The following STXBP5L variants were observed in gnomAD, a reference collection of about 807,000 sequenced individuals.
STXBP5L encodes the protein syntaxin-binding protein 5-like.
STXBP5L carries 65 observed loss-of-function variants against 144.5 expected under a neutral mutation model. That is an observed-to-expected ratio of 0.45 (90% CI 0.37 to 0.55). The LOEUF (loss-of-function observed/expected upper bound fraction) is 0.55. Ranked by LOEUF, STXBP5L falls within the 20% of genes least tolerant of loss-of-function variation. The pLI is 0.00. For missense variants in STXBP5L, 1,298 were observed against 1,405.5 expected, an observed-to-expected ratio of 0.92 and a Z score of 1.22; for synonymous variants, 505 against 469.6, an observed-to-expected ratio of 1.08 and a Z score of -0.97.
chr3:121,035,959 A>G (rs1053459407), intron 3 of STXBP5L, among the ~76,000 whole-genome samples: 2 of 152,136 alleles, frequency 1.3e-5, no homozygotes, highest in African/African-American at 4.8e-5. Flanking sequence ...ACTTATTCCA[A>G]AGTATTTCTT....
chr3:120,914,636 G>A (rs1004865119), intron 2 of STXBP5L, among the ~76,000 whole-genome samples: 1 of 151,958 alleles, frequency 6.6e-6, no homozygotes, highest in East Asian at 1.9e-4. Context: ...TTACTTAAGC[G>A]GTTTTGCAAC....
At chr3:121,414,494 G>GGA (rs2047188975) in intron 24 of STXBP5L, among the ~76,000 whole-genome samples, 1 of 152,144 alleles carries the variant, frequency 6.6e-6, no homozygotes, top group Non-Finnish European at 1.5e-5. Context: ...CTAACCCACT[G>GGA]GATATATATT....
intron 3 of STXBP5L, among the ~76,000 whole-genome samples, chr3:121,023,740 A>G (rs1336035506): frequency 6.6e-6 from 1 of 152,156 alleles, no homozygotes; most frequent in Non-Finnish European, 1.5e-5. Context: ...AAGATGGATC[A>G]AAGACTTAAA....
chr3:121,038,989 T>A (rs1946955165), intron 3 of STXBP5L, among the ~76,000 whole-genome samples: 1 of 151,950 alleles, frequency 6.6e-6, no homozygotes, highest in South Asian at 2.1e-4. Context: ...TTAACCTATT[T>A]GTATATATTT....
chr3:121,149,607 A>G (rs2045858173), intron 7 of STXBP5L, among the ~76,000 whole-genome samples: 1 of 152,054 alleles, frequency 6.6e-6, no homozygotes, highest in African/African-American at 2.4e-5. Context: ...ATGAATACAA[A>G]CAAAATAATT....
At chr3:121,401,425 C>T (rs2046871237) in intron 22 of STXBP5L, among the ~76,000 whole-genome samples, 1 of 149,230 alleles carries the variant, frequency 6.7e-6, no homozygotes, top group Admixed American at 6.8e-5. Flanking sequence ...AATCATGCTG[C>T]TATAAAGACA....
chr3:121,097,577 G>A (rs536787366), intron 5 of STXBP5L, among the ~76,000 whole-genome samples: 82 of 152,198 alleles, frequency 5.4e-4, no homozygotes, highest in African/African-American at 1.9e-3. Flanking sequence ...AAAATTTCCC[G>A]ACTTCTTGCA....
At chr3:121,045,575 A>G (rs748731858) in intron 5 of STXBP5L, 40 bp downstream of exon 5, 2 of 1,564,266 alleles carry the variant, frequency 1.3e-6, no homozygotes, top group African/African-American at 1.4e-5. Flanking sequence ...AATGTACAAC[A>G]AAATTATTTC....
At chr3:121,112,633 T>A (rs192641642) in intron 5 of STXBP5L, among the ~76,000 whole-genome samples, 2 of 152,096 alleles carry the variant, frequency 1.3e-5, no homozygotes, top group Admixed American at 1.3e-4. Context: ...CAACAATACT[T>A]TTTTTATAAA....
chr3:121,058,674 G>T (rs1948617804), intron 5 of STXBP5L, among the ~76,000 whole-genome samples: 1 of 152,166 alleles, frequency 6.6e-6, no homozygotes, highest in African/African-American at 2.4e-5. Context: ...CATTCTAACT[G>T]GCGTGAGATG....
At chr3:121,003,120 G>A (rs1943932570) in intron 3 of STXBP5L, among the ~76,000 whole-genome samples, 1 of 152,132 alleles carries the variant, frequency 6.6e-6, no homozygotes, top group Admixed American at 6.5e-5. Context: ...AGATCCCCGA[G>A]GAATTGCCAC....
intron 5 of STXBP5L, among the ~76,000 whole-genome samples, 153 bp from the exon 6 acceptor site, chr3:121,114,772 C>T (rs1270695507): frequency 6.6e-6 from 1 of 152,016 alleles, no homozygotes; most frequent in Non-Finnish European, 1.5e-5. Context: ...TATTATTTAT[C>T]CTATACTCTC....
chr3:121,377,240 C>T (rs112655471), intron 20 of STXBP5L, among the ~76,000 whole-genome samples: 2,630 of 152,078 alleles, frequency 0.017, 69 homozygotes, highest in African/African-American at 0.059. Context: ...TTCCTGATTG[C>T]CCTGGCCAGA....
At chr3:121,142,804 C>T (rs1259947852) in intron 7 of STXBP5L, among the ~76,000 whole-genome samples, 1 of 151,552 alleles carries the variant, frequency 6.6e-6, no homozygotes, top group Non-Finnish European at 1.5e-5. Context: ...TAAGAAAGAC[C>T]TGCAAACTTA....
chr3:121,135,115 G>T (rs996987759), intron 7 of STXBP5L, among the ~76,000 whole-genome samples: 12 of 152,122 alleles, frequency 7.9e-5, no homozygotes, highest in Non-Finnish European at 1.2e-4. Flanking sequence ...GTATGAGATG[G>T]TATCTCATTG....
At chr3:121,258,585 T>A (rs186390074) in intron 17 of STXBP5L, among the ~76,000 whole-genome samples, 6 of 152,220 alleles carry the variant, frequency 3.9e-5, no homozygotes, top group Admixed American at 2.6e-4. Flanking sequence ...GATAATTGGT[T>A]TGTTGGGAAG....
intron 5 of STXBP5L, among the ~76,000 whole-genome samples, chr3:121,076,374 C>T (rs1276122433): frequency 6.6e-6 from 1 of 152,158 alleles, no homozygotes; most frequent in Non-Finnish European, 1.5e-5. Context: ...TCTAACTCTT[C>T]AGGTGGGGCC....
At position 121,318,652 on chromosome 3, in the gene STXBP5L, T is replaced by C. The variant is rs901783795; in HGVS notation, c.2176+112T>C. The C allele has an allele frequency of 1.2e-5, 8 of 691,060 alleles. No individual in the cohort carries two copies. The African/African-American group carries it at 1.5e-4, about 13-fold the overall frequency. The allele number at this position is 691,060 out of a possible 1,614,324, so 42.8% of individuals were successfully genotyped here. A position where few individuals can be genotyped will look rare whatever the true frequency, so the allele number is the denominator to read the frequency against. On this transcript the variant is annotated intron_variant, in intron 20 of 26. Coordinates refer to ENST00000471454, the MANE Select transcript of STXBP5L (RefSeq NM_001308330.2). Reference sequence around the variant, plus strand: ...TTATAATTTTAGTAATTAGGTATAATTCCATTCATTAAATTTACTGTAAGC... The same window carrying C: ...TTATAATTTTAGTAATTAGGTATAACTCCATTCATTAAATTTACTGTAAGC...
Position 120,909,716 on chromosome 3 carries a change from C to G in STXBP5L, c.138C>G (p.Leu46=). 2 of 1,611,920 alleles carry G rather than the reference C, an allele frequency of 1.2e-6. No homozygotes were observed. The highest frequency in any genetic ancestry group is 1.7e-5 in the Admixed American group (1 of 59,372). The change falls in exon 2 of 27, where the codon CTC becomes CTG. Residue 46 remains leucine (L), a synonymous_variant. Coordinates refer to ENST00000471454, the MANE Select transcript of STXBP5L (RefSeq NM_001308330.2). The stretch of plus-strand genomic sequence containing the variant: ...ATCCGGCGGGGACTGCAGGGGTTCT[C>G]AGAGAGGAAATTCAGGAAACTTTGA... The part of the protein sequence containing the change: ...SVHPAGTAGV[L]REEIQETLTS...
Sources: gnomAD v4.1 joint callset for allele counts (sites outside exome capture counted in the v4.1 genomes callset) on GRCh38, gnomAD v4.1.1 for gene constraint, MANE v1.5 for transcripts, NCBI Gene and HGNC (gene_info 2026-07-23, HGNC 2026-07-21) for gene names.